ASTN2: variants seen among roughly 807,000 people sequenced by gnomAD.
The protein encoded by ASTN2 is astrotactin 2, also known as astrotactin-2.
A neutral mutation model predicts 139.8 loss-of-function variants in ASTN2; 54 were observed. That is an observed-to-expected ratio of 0.39 (90% CI 0.31 to 0.48). The LOEUF (loss-of-function observed/expected upper bound fraction) is 0.48, where lower values mean the gene tolerates loss of function less well. Ranked by LOEUF, ASTN2 falls within the 20% of genes least tolerant of loss-of-function variation. The pLI, the probability that ASTN2 is intolerant of heterozygous loss-of-function variation, is 0.95. For missense variants in ASTN2, 1,565 were observed against 1,725.1 expected, an observed-to-expected ratio of 0.91 and a Z score of 1.64; for synonymous variants, 756 against 719.5, an observed-to-expected ratio of 1.05 and a Z score of -0.81.
intron 13 of ASTN2, among the ~76,000 whole-genome samples, chr9:116,775,614 AAGG>A: frequency 1.9e-5 from 2 of 105,528 alleles, no homozygotes; most frequent in African/African-American, 3.6e-5. Context: ...GGAAAGAAGG[AAGG>A]AAGGAAGGAA....
chr9:116,676,487 C>G (rs913781317), intron 16 of ASTN2, among the ~76,000 whole-genome samples: 1 of 152,136 alleles, frequency 6.6e-6, no homozygotes, highest in Admixed American at 6.6e-5. Context: ...TGCTACAGGT[C>G]CCTGAAACCA....
chr9:116,497,397 C>G (rs763415792), intron 19 of ASTN2, among the ~76,000 whole-genome samples: 1 of 152,204 alleles, frequency 6.6e-6, no homozygotes, highest in Non-Finnish European at 1.5e-5. Context: ...AGGACTACAA[C>G]TGTGGTCACA....
At chr9:117,364,876 G>T (rs1194155091) in intron 1 of ASTN2, among the ~76,000 whole-genome samples, 2 of 151,638 alleles carry the variant, frequency 1.3e-5, no homozygotes. Flanking sequence ...ACTTTGGAAG[G>T]CCAAGGTGGG....
intron 19 of ASTN2, among the ~76,000 whole-genome samples, chr9:116,588,489 C>G (rs1030541918): frequency 2.6e-5 from 4 of 152,130 alleles, no homozygotes; most frequent in Admixed American, 1.3e-4. Flanking sequence ...ATCTAAGAAC[C>G]TGAAGTCTTA....
At chr9:116,832,793 T>C (rs1831855130) in intron 11 of ASTN2, among the ~76,000 whole-genome samples, 2 of 152,232 alleles carry the variant, frequency 1.3e-5, no homozygotes, top group Admixed American at 6.5e-5. Context: ...CTGTGGTATA[T>C]GCATGAGGGC....
intron 19 of ASTN2, among the ~76,000 whole-genome samples, chr9:116,614,648 G>T (rs1053657622): frequency 6.6e-6 from 1 of 152,146 alleles, no homozygotes; most frequent in African/African-American, 2.4e-5. Flanking sequence ...AATAAATGGT[G>T]CTGGGAAAAC....
chr9:116,486,798 T>C (rs1849353263), intron 20 of ASTN2, among the ~76,000 whole-genome samples: 1 of 152,288 alleles, frequency 6.6e-6, no homozygotes, highest in Non-Finnish European at 1.5e-5. Context: ...GCCTCTTGCA[T>C]CTCCAGAAGT....
intron 3 of ASTN2, chr9:117,180,597 G>T: frequency 9.8e-7 from 1 of 1,021,130 alleles, no homozygotes; most frequent in Non-Finnish European, 1.4e-6. Flanking sequence ...TATGCACCGA[G>T]CACCATTCTA....
chr9:116,586,579 G>C (rs139198306), intron 19 of ASTN2, among the ~76,000 whole-genome samples: 7 of 152,180 alleles, frequency 4.6e-5, no homozygotes, highest in South Asian at 2.1e-4. Context: ...TTATAAGTGG[G>C]AGCTTAACAT....
At chr9:116,625,136 A>G (rs1348800103) in intron 17 of ASTN2, among the ~76,000 whole-genome samples, 1 of 152,040 alleles carries the variant, frequency 6.6e-6, no homozygotes, top group African/African-American at 2.4e-5. Context: ...AGGCATCTCA[A>G]AACCAACCTC....
chr9:116,863,558 T>C, intron 11 of ASTN2, 25 bp downstream of exon 11: 4 of 1,611,044 alleles, frequency 2.5e-6, no homozygotes, highest in Non-Finnish European at 3.4e-6. Flanking sequence ...GCCACTGCCA[T>C]GTTCCCGGGC....
intron 1 of ASTN2, among the ~76,000 whole-genome samples, chr9:117,346,411 AC>A (rs1474932071): frequency 6.6e-6 from 1 of 152,030 alleles, no homozygotes; most frequent in African/African-American, 2.4e-5. Flanking sequence ...AGATCCATAT[AC>A]TCTACTGAAT....
intron 19 of ASTN2, among the ~76,000 whole-genome samples, chr9:116,577,786 G>C (rs534138998): frequency 4.5e-4 from 69 of 152,268 alleles, no homozygotes; most frequent in Middle Eastern, 6.8e-3. Context: ...AAGCTAGAAG[G>C]GATAGAATCA....
intron 2 of ASTN2, among the ~76,000 whole-genome samples, chr9:117,279,315 T>A (rs1487594293): frequency 6.6e-6 from 1 of 152,236 alleles, no homozygotes; most frequent in Non-Finnish European, 1.5e-5. Context: ...GCTCGGACAC[T>A]GGCTATGTGA....
chr9:117,112,321 T>C (rs1829271263), intron 4 of ASTN2, among the ~76,000 whole-genome samples: 1 of 151,966 alleles, frequency 6.6e-6, no homozygotes, highest in South Asian at 2.1e-4. Flanking sequence ...GTGCAAGTAA[T>C]CCACAATAGC....
rs986892168 is a variant in ASTN2, at chr9:117,332,145, CT to C, written c.443-40633del. Among the ~76,000 whole-genome samples the C allele has an allele frequency of 2.0e-5, 3 of 151,972 alleles. No individual in the cohort carries two copies. The South Asian group carries it at 6.2e-4, about 32-fold the overall frequency. On this transcript the variant is annotated intron_variant, in intron 1 of 22. Coordinates refer to ENST00000313400, the MANE Select transcript of ASTN2 (RefSeq NM_001365068.1). Reference sequence around the variant, plus strand: ...GAATTCTTTTTCTTCAACTTGTTTTCTTTTTTTTGAAAACCTACTTTGCTTC... The same window carrying C: ...GAATTCTTTTTCTTCAACTTGTTTTCTTTTTTTGAAAACCTACTTTGCTTC...
At chr9:117,148,970 A>T (rs1272801647) in intron 3 of ASTN2, among the ~76,000 whole-genome samples, 2 of 151,738 alleles carry the variant, frequency 1.3e-5, no homozygotes, top group Non-Finnish European at 2.9e-5. Context: ...GCCAGCCTCC[A>T]CAATGACATG....
chr9:117,151,453 A>G (rs1332791074), intron 3 of ASTN2, among the ~76,000 whole-genome samples: 3 of 152,158 alleles, frequency 2.0e-5, no homozygotes, highest in Non-Finnish European at 4.4e-5. Flanking sequence ...CTGGGGACAC[A>G]GTGATAAAAT....
intron 1 of ASTN2, among the ~76,000 whole-genome samples, chr9:117,344,875 C>T (rs1224377927): frequency 6.6e-6 from 1 of 152,106 alleles, no homozygotes; most frequent in Non-Finnish European, 1.5e-5. Context: ...TTCCTAAAGG[C>T]CCTGATGTAT....
Sources: gnomAD v4.1 joint callset for allele counts (sites outside exome capture counted in the v4.1 genomes callset) on GRCh38, gnomAD v4.1.1 for gene constraint, MANE v1.5 for transcripts, NCBI Gene and HGNC (gene_info 2026-07-23, HGNC 2026-07-21) for gene names.